NFU1: variants seen among roughly 807,000 people sequenced by gnomAD.
NFU1 encodes NFU1 iron-sulfur cluster scaffold homolog, mitochondrial.
NFU1 carries 30 observed loss-of-function variants against 32.2 expected under a neutral mutation model. That is an observed-to-expected ratio of 0.93 (90% confidence interval 0.70 to 1.26). NFU1 has a LOEUF of 1.26. NFU1 is among the 50% of genes most tolerant of loss of function. The pLI is 0.00. For synonymous variants in NFU1, 112 were observed against 104.6 expected, an observed-to-expected ratio of 1.07 and a Z score of -0.43; for missense variants, 306 against 306.6, an observed-to-expected ratio of 1.00 and a Z score of 0.02.
In NFU1 at chr2:69,396,196, T is replaced by C. The variant is rs1027662934; in HGVS notation, c.*50A>G. On this transcript the variant is annotated 3_prime_UTR_variant, in exon 8 of 8. Coordinates refer to ENST00000410022, the MANE Select transcript of NFU1 (RefSeq NM_001002755.4). The stretch of plus-strand genomic sequence containing the variant: ...GCATATTAATAATAAAAACTTGATA[T>C]ATATTATCAACAAGTCTGACTGTTA... 3 of 1,415,364 alleles carry C rather than the reference T, an allele frequency of 2.1e-6. No individual in the cohort carries two copies. Among genetic ancestry groups the C allele is most frequent in the Non-Finnish European group, 3.0e-6 (3 of 1,005,492 alleles). The allele number at this position is 1,415,364 out of a possible 1,614,324, so 87.7% of individuals were successfully genotyped here. A position where few individuals can be genotyped will look rare whatever the true frequency, so the allele number is the denominator to read the frequency against.
chr2:69,418,493 G>C (rs1255049719), intron 4 of NFU1, among the ~76,000 whole-genome samples: 2 of 152,016 alleles, frequency 1.3e-5, no homozygotes, highest in Non-Finnish European at 2.9e-5. Context: ...TTGAGATGCA[G>C]TCTCGCTCTG....
intron 7 of NFU1, among the ~76,000 whole-genome samples, chr2:69,398,759 T>C (rs1672417954): frequency 6.6e-6 from 1 of 152,218 alleles, no homozygotes; most frequent in Non-Finnish European, 1.5e-5. Context: ...TATTAAATGT[T>C]TCTTTCTGAC....
intron 2 of NFU1, among the ~76,000 whole-genome samples, chr2:69,426,388 C>T (rs1673455519): frequency 6.6e-6 from 1 of 152,138 alleles, no homozygotes; most frequent in Non-Finnish European, 1.5e-5. Flanking sequence ...CAGGTTCAAG[C>T]AATTCTCCTG....
rs541381137 is a variant in NFU1, at chr2:69,396,843, C to T, written c.721-553G>A. ...ATCCCAGCACTTTGGGAGGCTGAGG[C>T]AGGCAGATCATGAGGGCAGAAGATC... On this transcript the variant is annotated intron_variant, in intron 7 of 7. Transcript: ENST00000410022. Among the ~76,000 whole-genome samples, 51 of 152,052 alleles carry T rather than the reference C, an allele frequency of 3.4e-4. No individual in the cohort carries two copies. The East Asian group carries it at 9.5e-3, about 28-fold the overall frequency.
chr2:69,438,596 C>T (rs1673938197), upstream of NFU1, among the ~76,000 whole-genome samples: 1 of 152,172 alleles, frequency 6.6e-6, no homozygotes, highest in Admixed American at 6.5e-5. Flanking sequence ...GATTCTGATG[C>T]CAGCTAAAAT....
At chr2:69,420,538 T>C (rs1387074717) in intron 3 of NFU1, among the ~76,000 whole-genome samples, 2 of 152,358 alleles carry the variant, frequency 1.3e-5, no homozygotes, top group South Asian at 2.1e-4. Flanking sequence ...CAGATCTTTT[T>C]GTCAGTGCAT....
At chr2:69,432,054 T>C in intron 1 of NFU1, 49 bp from the exon 2 acceptor site, 1 of 1,283,092 alleles carries the variant, frequency 7.8e-7, no homozygotes. Context: ...CTCTAATCTT[T>C]TAAAGTTGGT....
chr2:69,419,103 C>T (rs925652673), intron 4 of NFU1, among the ~76,000 whole-genome samples: 5 of 151,778 alleles, frequency 3.3e-5, no homozygotes, highest in South Asian at 2.1e-4. Context: ...CACCTGAGGT[C>T]GGGAGTTCTA....
At chr2:69,406,869 G>A (rs1346867533) in intron 5 of NFU1, among the ~76,000 whole-genome samples, 1 of 152,134 alleles carries the variant, frequency 6.6e-6, no homozygotes, top group African/African-American at 2.4e-5. Context: ...CTGGTGGGAG[G>A]TAACTGAATC....
intron 3 of NFU1, 118 bp from the exon 4 acceptor site, chr2:69,419,722 G>A: frequency 1.5e-6 from 1 of 688,496 alleles, no homozygotes; most frequent in East Asian, 2.7e-5. Context: ...CTTTAACAAT[G>A]ATCAACTCAT....
chr2:69,430,038 C>CAAA, intron 2 of NFU1: 2 of 307,578 alleles, frequency 6.5e-6, no homozygotes, highest in South Asian at 2.6e-5. Context: ...CAAAAACAAA[C>CAAA]AAAAAAAAAC....
intron 2 of NFU1, among the ~76,000 whole-genome samples, chr2:69,431,454 C>T (rs6546522): frequency 0.012 from 1,892 of 152,194 alleles, 45 homozygotes; most frequent in African/African-American, 0.043. Flanking sequence ...TACACGTGTG[C>T]GCCACCATGC....
chr2:69,408,311 C>T (rs1672765610), intron 5 of NFU1, among the ~76,000 whole-genome samples: 1 of 152,146 alleles, frequency 6.6e-6, no homozygotes, highest in Non-Finnish European at 1.5e-5. Context: ...ATATTTAAAA[C>T]TGGTACACAG....
In NFU1 at chr2:69,419,109, T is replaced by C. The variant is rs1039666020; in HGVS notation, c.369+429A>G. Reference sequence around the variant, plus strand: ...CGGGTGGATCACCTGAGGTCGGGAGTTCTAGACCAGCCTGGCCAACATGGC... The same window carrying C: ...CGGGTGGATCACCTGAGGTCGGGAGCTCTAGACCAGCCTGGCCAACATGGC... On this transcript the variant is annotated intron_variant, in intron 4 of 7. Transcript: ENST00000410022. Among the ~76,000 whole-genome samples the C allele has an allele frequency of 2.4e-4, 36 of 151,164 alleles. 1 individual carries two copies. The highest frequency in any genetic ancestry group is 1.5e-5 in the Non-Finnish European group (1 of 67,752).
At chr2:69,414,435 T>G (rs1208647361) in intron 5 of NFU1, among the ~76,000 whole-genome samples, 1 of 151,862 alleles carries the variant, frequency 6.6e-6, no homozygotes, top group African/African-American at 2.4e-5. Flanking sequence ...CTGACAAACA[T>G]GATGAAACCC....
chr2:69,411,875 G>A (rs915788131), intron 5 of NFU1, among the ~76,000 whole-genome samples: 20 of 152,250 alleles, frequency 1.3e-4, no homozygotes, highest in Middle Eastern at 3.4e-3. Context: ...TCACAGGTGT[G>A]GGGCGTGGTG....
chr2:69,414,805 C>A (rs532751874), intron 5 of NFU1, among the ~76,000 whole-genome samples: 1 of 151,906 alleles, frequency 6.6e-6, no homozygotes, highest in Admixed American at 6.6e-5. Context: ...TTACTTTATG[C>A]TCTATATTCT....
chr2:69,438,152 A>C (rs533152922), upstream of NFU1, among the ~76,000 whole-genome samples: 1 of 152,358 alleles, frequency 6.6e-6, no homozygotes, highest in South Asian at 2.1e-4. Flanking sequence ...AACACGTTAG[A>C]AATGCACGTT....
intron 2 of NFU1, among the ~76,000 whole-genome samples, chr2:69,427,823 G>A (rs1273491979): frequency 1.3e-5 from 2 of 150,976 alleles, no homozygotes; most frequent in African/African-American, 4.9e-5. Context: ...CTCTACAGGG[G>A]TTTTGTAGAG....
Sources: gnomAD v4.1 joint callset for allele counts (sites outside exome capture counted in the v4.1 genomes callset) on GRCh38, gnomAD v4.1.1 for gene constraint, MANE v1.5 for transcripts, NCBI Gene and HGNC (gene_info 2026-07-23, HGNC 2026-07-21) for gene names.